Variants in PRDM16 observed in about 807,000 individuals in gnomAD.
PRDM16 encodes the protein histone-lysine N-methyltransferase PRDM16.
PRDM16 carries 23 observed loss-of-function variants against 110.6 expected under a neutral mutation model. That is an observed-to-expected ratio of 0.21 (90% confidence interval 0.15 to 0.29). The LOEUF is 0.29. Ranked by LOEUF, PRDM16 falls within the 10% of genes least tolerant of loss-of-function variation. PRDM16 has a pLI of 1.00. For synonymous variants in PRDM16, 799 were observed against 781.8 expected, an observed-to-expected ratio of 1.02 and a Z score of -0.37; for missense variants, 1,615 against 1,794.3, an observed-to-expected ratio of 0.90 and a Z score of 1.81.
chr1:3,269,644 G>A (rs115726292), intron 3 of PRDM16, among the ~76,000 whole-genome samples: 3,615 of 149,304 alleles, frequency 0.024, 162 homozygotes, highest in African/African-American at 0.081. Flanking sequence ...CAGTCCCGGA[G>A]GAGGACAGTT....
At chr1:3,114,883 G>A (rs775987795) in intron 1 of PRDM16, among the ~76,000 whole-genome samples, 6 of 152,262 alleles carry the variant, frequency 3.9e-5, no homozygotes, top group Non-Finnish European at 5.9e-5. Flanking sequence ...GGCCCTGGCC[G>A]GGATGCAGGA....
intron 3 of PRDM16, among the ~76,000 whole-genome samples, chr1:3,312,894 A>C (rs1309007027): frequency 6.6e-6 from 1 of 152,260 alleles, no homozygotes; most frequent in Non-Finnish European, 1.5e-5. Flanking sequence ...ACGTGTGGAC[A>C]GAGGTCCACA....
Position 3,209,706 on chromosome 1 carries a change from C to T in PRDM16, c.387+23232C>T, listed in dbSNP as rs1638837841. 6.6e-6 allele frequency among the ~76,000 whole-genome samples: 1 copy of T among 152,222 alleles called. No homozygotes were observed. Among genetic ancestry groups the T allele is most frequent in the South Asian group, 2.1e-4 (1 of 4,830 alleles). On this transcript the variant is annotated intron_variant, in intron 2 of 16. Transcript: ENST00000270722. This position sits in a 1 kb window ranked among gnomAD's most constrained non-coding sequence, Gnocchi z 4.6. Reference sequence around the variant, plus strand: ...AGTTGTCAACGGCCACCAGGAACCACAGCCCTCCCGCCCCCCACAGAGCCC... The same window carrying T: ...AGTTGTCAACGGCCACCAGGAACCATAGCCCTCCCGCCCCCCACAGAGCCC...
intron 1 of PRDM16, among the ~76,000 whole-genome samples, chr1:3,130,658 TG>T (rs1643313793): frequency 6.6e-6 from 1 of 151,984 alleles, no homozygotes; most frequent in Admixed American, 6.6e-5. Flanking sequence ...GCCTTCTCTT[TG>T]GGGACGTTTG....
chr1:3,154,017 A>T (rs1643820581), intron 1 of PRDM16, among the ~76,000 whole-genome samples: 1 of 152,204 alleles, frequency 6.6e-6, no homozygotes, highest in Non-Finnish European at 1.5e-5. Context: ...CGGAAAATAC[A>T]GTAAAATCAG....
In PRDM16 at chr1:3,358,091, C is replaced by CA. The variant is rs1642643497; in HGVS notation, c.439-27060dup. Among the ~76,000 whole-genome samples, 1 of 152,228 alleles carries CA rather than the reference C, an allele frequency of 6.6e-6. No homozygotes were observed. The highest frequency in any genetic ancestry group is 1.5e-5 in the Non-Finnish European group (1 of 68,042). ...ACGGCGGTGCCCAGTGGCCTGGCCT[C>CA]ACGCGTGGGTCCATCCCGGAACCAC... On this transcript the variant is annotated intron_variant, in intron 3 of 16. Transcript: ENST00000270722. The surrounding 1 kb of genome is among the most constrained non-coding windows in gnomAD (Gnocchi z 4.0).
chr1:3,327,249 C>A (rs924856716), intron 3 of PRDM16, among the ~76,000 whole-genome samples: 3 of 152,236 alleles, frequency 2.0e-5, no homozygotes, highest in Non-Finnish European at 2.9e-5. Context: ...CCAGGTGTGG[C>A]CGCCCCATGC....
chr1:3,140,274 G>A (rs1643522926), intron 1 of PRDM16, among the ~76,000 whole-genome samples: 2 of 152,142 alleles, frequency 1.3e-5, no homozygotes, highest in African/African-American at 4.8e-5. Flanking sequence ...TTAAATCAAG[G>A]GTGGCCTCAG....
chr1:3,141,142 A>C (rs932402538), intron 1 of PRDM16, among the ~76,000 whole-genome samples: 1 of 152,182 alleles, frequency 6.6e-6, no homozygotes, highest in Non-Finnish European at 1.5e-5. Context: ...AATGTTTTTC[A>C]TTCCCCAATT....
At chr1:3,383,734 G>A (rs1569634273) in intron 3 of PRDM16, among the ~76,000 whole-genome samples, 1 of 152,122 alleles carries the variant, frequency 6.6e-6, no homozygotes, top group African/African-American at 2.4e-5. Context: ...AGCCTCCACT[G>A]TTTTCACTTG....
At chr1:3,420,506 G>A (rs1226890187) in intron 12 of PRDM16, among the ~76,000 whole-genome samples, 1 of 152,232 alleles carries the variant, frequency 6.6e-6, no homozygotes, top group Non-Finnish European at 1.5e-5. Flanking sequence ...GGCTTCTCAT[G>A]GGTTGCCTGG....
chr1:3,090,963 G>C (rs1019672049), intron 1 of PRDM16, among the ~76,000 whole-genome samples: 8 of 152,180 alleles, frequency 5.3e-5, no homozygotes, highest in African/African-American at 1.9e-4. Context: ...ACGAGAAGCA[G>C]ACAGCCCCCA....
chr1:3,433,030 AG>A (rs951987010), intron 16 of PRDM16, among the ~76,000 whole-genome samples: 5 of 152,228 alleles, frequency 3.3e-5, no homozygotes, highest in Non-Finnish European at 7.3e-5. Context: ...ATCCCCTGGC[AG>A]GGGTGGCTCT....
chr1:3,413,674 C>T (rs1042880162), intron 9 of PRDM16, among the ~76,000 whole-genome samples: 3 of 152,212 alleles, frequency 2.0e-5, no homozygotes, highest in South Asian at 2.1e-4. Flanking sequence ...TGTCTTGCAA[C>T]GGGGTGGCAG....
chr1:3,269,948 GAGGAGGACAGTCAGA>G (rs1281885999), intron 3 of PRDM16, among the ~76,000 whole-genome samples: 60 of 150,798 alleles, frequency 4.0e-4, no homozygotes, highest in African/African-American at 1.3e-3. Context: ...GGACAGTCAG[GAGGAGGACAGTCAGA>G]AGGAGGACAG....
In PRDM16 at chr1:3,213,412, G is replaced by A. The variant is rs898032673; in HGVS notation, c.387+26938G>A. On this transcript the variant is annotated intron_variant, in intron 2 of 16. Coordinates refer to ENST00000270722, the MANE Select transcript of PRDM16 (RefSeq NM_022114.4). The surrounding 1 kb of genome is among the most constrained non-coding windows in gnomAD (Gnocchi z 5.3). ...TCCTGGGCGTCTCGGCTCCGCCATTGTCATTAATTATAAAATTGGGAGGAC... is the reference window on the plus strand; with the variant it reads ...TCCTGGGCGTCTCGGCTCCGCCATTATCATTAATTATAAAATTGGGAGGAC... Among the ~76,000 whole-genome samples, 2 of 152,204 alleles carry A rather than the reference G, an allele frequency of 1.3e-5. No individual in the cohort carries two copies. The highest frequency in any genetic ancestry group is 4.8e-5 in the African/African-American group (2 of 41,448).
chr1:3,277,556 T>C (rs1640613237), intron 3 of PRDM16, among the ~76,000 whole-genome samples: 1 of 152,066 alleles, frequency 6.6e-6, no homozygotes, highest in South Asian at 2.1e-4. Context: ...GGAGGAAAAA[T>C]GGGTTTATGT....
intron 3 of PRDM16, among the ~76,000 whole-genome samples, chr1:3,266,477 C>T (rs1401108781): frequency 2.6e-5 from 4 of 152,166 alleles, no homozygotes; most frequent in African/African-American, 4.8e-5. Flanking sequence ...CCGAGCGGTT[C>T]GCATTTGCAA....
chr1:3,161,252 C>A (rs1044328070), intron 1 of PRDM16, among the ~76,000 whole-genome samples: 3 of 151,998 alleles, frequency 2.0e-5, no homozygotes, highest in African/African-American at 7.3e-5. Context: ...CTCTCACCAG[C>A]AAACACACAC....
Sources: allele counts gnomAD v4.1 joint callset (sites outside exome capture counted in the v4.1 genomes callset), GRCh38; gene constraint gnomAD v4.1.1; non-coding constraint Gnocchi (gnomAD v3.1); transcripts MANE v1.5; gene names NCBI Gene and HGNC (gene_info 2026-07-23, HGNC 2026-07-21).